The following GPR176 variants were observed in gnomAD, a reference collection of about 807,000 sequenced individuals.
The protein encoded by GPR176 is G protein-coupled receptor 176.
GPR176 carries 26 observed loss-of-function variants against 35.4 expected under a neutral mutation model. That is an observed-to-expected ratio of 0.74 (90% CI 0.54 to 1.02). The LOEUF (loss-of-function observed/expected upper bound fraction) is 1.02, where lower values mean the gene tolerates loss of function less well. Among genes scored for constraint, GPR176 ranks in the 50% least tolerant of loss-of-function variants. The pLI, the probability that GPR176 is intolerant of heterozygous loss-of-function variation, is 0.00. For missense variants in GPR176, 597 were observed against 665.3 expected, an observed-to-expected ratio of 0.90 and a Z score of 1.13; for synonymous variants, 278 against 271.3, an observed-to-expected ratio of 1.02 and a Z score of -0.24.
chr15:39,863,152 T>C lies in GPR176; in HGVS notation c.173-55894A>G, dbSNP rs930267650. 2.6e-5 allele frequency among the ~76,000 whole-genome samples: 4 copies of C among 151,478 alleles called. No homozygotes were observed. In the South Asian group the frequency reaches 6.3e-4, roughly 24 times the overall value. ...TCGGCTCACTGCAAGCTCCGACTCC[T>C]GGGTTCATGCCATTCTCCTGGGTTC... On this transcript the variant is annotated intron_variant, in intron 1 of 2. Coordinates refer to ENST00000561100, the MANE Select transcript of GPR176 (RefSeq NM_007223.3).
chr15:39,815,133 AAGAC>A (rs1899812422), intron 1 of GPR176, among the ~76,000 whole-genome samples: 1 of 152,234 alleles, frequency 6.6e-6, no homozygotes, highest in African/African-American at 2.4e-5. Flanking sequence ...AAAGGTCTGA[AAGAC>A]AGAAAAAGAG....
intron 1 of GPR176, among the ~76,000 whole-genome samples, chr15:39,859,284 C>T (rs2031440726): frequency 6.6e-6 from 1 of 151,362 alleles, no homozygotes; most frequent in Admixed American, 6.6e-5. Flanking sequence ...TATGTATATC[C>T]AGAATATATA....
intron 1 of GPR176, among the ~76,000 whole-genome samples, chr15:39,867,773 G>A (rs538688842): frequency 6.6e-6 from 1 of 152,218 alleles, no homozygotes; most frequent in Non-Finnish European, 1.5e-5. Context: ...AGTGAAGTGA[G>A]GAGTGGACAC....
chr15:39,884,620 A>T (rs1424065230), intron 1 of GPR176, among the ~76,000 whole-genome samples: 1 of 152,160 alleles, frequency 6.6e-6, no homozygotes, highest in Admixed American at 6.5e-5. Flanking sequence ...TTGTGTTCTC[A>T]TAGTTGCAAG....
At chr15:39,854,165 T>C (rs1263190034) in intron 1 of GPR176, among the ~76,000 whole-genome samples, 1 of 152,048 alleles carries the variant, frequency 6.6e-6, no homozygotes, top group African/African-American at 2.4e-5. Context: ...AGCAAGACTT[T>C]CCTGAGTTGC....
intron 1 of GPR176, among the ~76,000 whole-genome samples, chr15:39,836,884 TAAC>T (rs1365234777): frequency 2.0e-5 from 3 of 152,144 alleles, no homozygotes; most frequent in Non-Finnish European, 4.4e-5. Context: ...TCATGGCAAA[TAAC>T]AATAATGCAG....
chr15:39,812,555 T>A (rs1464131777), intron 1 of GPR176, among the ~76,000 whole-genome samples: 1 of 152,126 alleles, frequency 6.6e-6, no homozygotes, highest in African/African-American at 2.4e-5. Context: ...CTTTTGAGGT[T>A]TTGGGACTTG....
chr15:39,846,326 C>T (rs1461801565), intron 1 of GPR176, among the ~76,000 whole-genome samples: 1 of 152,192 alleles, frequency 6.6e-6, no homozygotes, highest in East Asian at 1.9e-4. Flanking sequence ...CCAAGCTAAC[C>T]ATGAGAGGAA....
intron 1 of GPR176, among the ~76,000 whole-genome samples, chr15:39,825,763 G>A (rs1900597774): frequency 6.6e-6 from 1 of 152,206 alleles, no homozygotes; most frequent in African/African-American, 2.4e-5. Context: ...TGCAGCAGGT[G>A]CTATCACATC....
chr15:39,877,789 T>C (rs2032308761), intron 1 of GPR176, among the ~76,000 whole-genome samples: 1 of 152,102 alleles, frequency 6.6e-6, no homozygotes, highest in Non-Finnish European at 1.5e-5. Context: ...CTCAAACTCC[T>C]GACCTCAAGT....
At chr15:39,913,726 T>C (rs1430899686) in intron 1 of GPR176, among the ~76,000 whole-genome samples, 1 of 152,118 alleles carries the variant, frequency 6.6e-6, no homozygotes, top group African/African-American at 2.4e-5. Flanking sequence ...GTAGTAGTGG[T>C]TGCACTACTT....
chr15:39,812,143 A>T (rs1178113994), intron 1 of GPR176, among the ~76,000 whole-genome samples: 1 of 152,180 alleles, frequency 6.6e-6, no homozygotes, highest in East Asian at 1.9e-4. Flanking sequence ...GTAATATAAG[A>T]ATCTTATAAC....
At chr15:39,911,070 A>T (rs1232916778) in intron 1 of GPR176, among the ~76,000 whole-genome samples, 2 of 151,910 alleles carry the variant, frequency 1.3e-5, no homozygotes, top group East Asian at 3.9e-4. Flanking sequence ...AATAAAATAA[A>T]ATAATATATG....
chr15:39,891,422 G>A (rs777954908), intron 1 of GPR176, among the ~76,000 whole-genome samples: 9 of 152,146 alleles, frequency 5.9e-5, no homozygotes, highest in South Asian at 2.1e-4. Context: ...GCAGTGGTGC[G>A]TAGCTCACTG....
At chr15:39,901,933 A>T (rs189936) in intron 1 of GPR176, among the ~76,000 whole-genome samples, 17,611 of 151,516 alleles carry the variant, frequency 0.12, 1,504 homozygotes, top group Admixed American at 0.23. Flanking sequence ...AAAAAAAAAA[A>T]ATTAGCCAGA....
At chr15:39,866,492 A>G (rs1277292091) in intron 1 of GPR176, among the ~76,000 whole-genome samples, 1 of 152,232 alleles carries the variant, frequency 6.6e-6, no homozygotes, top group South Asian at 2.1e-4. Flanking sequence ...GTCAATATAT[A>G]GTCTAAGGAC....
intron 1 of GPR176, among the ~76,000 whole-genome samples, chr15:39,853,524 A>G (rs1425632711): frequency 1.3e-5 from 2 of 152,216 alleles, no homozygotes; most frequent in Non-Finnish European, 2.9e-5. Flanking sequence ...TGAGCTATAC[A>G]CTTGAAATGG....
At chr15:39,811,652 C>T (rs1257382562) in intron 1 of GPR176, among the ~76,000 whole-genome samples, 1 of 152,152 alleles carries the variant, frequency 6.6e-6, no homozygotes, top group African/African-American at 2.4e-5. Context: ...TGTGGTGGCT[C>T]ACACCTGTAA....
Position 39,801,473 on chromosome 15 carries a change from T to C in GPR176, c.1207A>G (p.Lys403Glu). 6.2e-7 allele frequency: 1 copy of C among 1,614,134 alleles called. No individual in the cohort carries two copies. Among genetic ancestry groups the C allele is most frequent in the Non-Finnish European group, 8.5e-7 (1 of 1,179,964 alleles). ...KYIGSADFQAKEIFSTCLEGE... is the reference protein window; with the variant it reads ...KYIGSADFQAEEIFSTCLEGE... ...TCCAGGCAGGTGCTAAATATCTCCT[T>C]GGCCTGGAAGTCAGCTGAGCCAATG... Residue 403 changes from lysine (K) to glutamate (E), a missense_variant, in exon 3 of 3, where the codon AAG (lysine) becomes GAG (glutamate). Physicochemically the swap from Lys to Glu is moderately conservative, Grantham distance 56. Transcript: ENST00000561100.
Sources: allele counts gnomAD v4.1 joint callset (sites outside exome capture counted in the v4.1 genomes callset), GRCh38; gene constraint gnomAD v4.1.1; transcripts MANE v1.5; gene names NCBI Gene and HGNC (gene_info 2026-07-23, HGNC 2026-07-21).